The following PABPC4 variants were observed in gnomAD, a reference collection of about 807,000 sequenced individuals.
PABPC4 encodes polyadenylate-binding protein 4.
Under a neutral mutation model 74.5 loss-of-function variants are expected in PABPC4, and 15 were observed. That is an observed-to-expected ratio of 0.20 (90% CI 0.13 to 0.31). The LOEUF is 0.31. PABPC4 is among the 10% of genes least tolerant of loss of function. PABPC4 has a pLI of 1.00. For missense variants in PABPC4, 610 were observed against 853.5 expected, an observed-to-expected ratio of 0.71 and a Z score of 3.55; for synonymous variants, 345 against 303.0, an observed-to-expected ratio of 1.14 and a Z score of -1.44.
intron 7 of PABPC4, 26 bp from the exon 8 acceptor site, chr1:39,565,404 G>A (rs367697021): frequency 6.3e-7 from 1 of 1,592,534 alleles, no homozygotes; most frequent in African/African-American, 1.3e-5. Context: ...AGCTACTTAA[G>A]AAATAAGGTG....
chr1:39,565,783 G>A (rs865989142), intron 7 of PABPC4, among the ~76,000 whole-genome samples: 3 of 151,990 alleles, frequency 2.0e-5, no homozygotes, highest in East Asian at 3.8e-4. Context: ...AGCCGAGATC[G>A]CGCCACTGCA....
chr1:39,569,228 C>G (rs1042683615), intron 5 of PABPC4, among the ~76,000 whole-genome samples: 1 of 152,178 alleles, frequency 6.6e-6, no homozygotes, highest in Non-Finnish European at 1.5e-5. Context: ...TCTGCAGGTG[C>G]TTTTGTGGGT....
intron 8 of PABPC4, 93 bp downstream of exon 8, chr1:39,565,013 G>A (rs1172825652): frequency 7.4e-7 from 1 of 1,358,760 alleles, no homozygotes; most frequent in East Asian, 2.3e-5. Flanking sequence ...TGACATTCTA[G>A]AACTCTAATA....
chr1:39,571,705 T>C, intron 2 of PABPC4: 1 of 445,728 alleles, frequency 2.2e-6, no homozygotes, highest in Non-Finnish European at 4.4e-6. Context: ...AGACCCTGTC[T>C]CTACAAAAAA....
At chr1:39,572,629 G>C in intron 1 of PABPC4, 43 bp from the exon 2 acceptor site, 1 of 1,485,634 alleles carries the variant, frequency 6.7e-7, no homozygotes, top group Non-Finnish European at 9.4e-7. Context: ...GAAAACGTCA[G>C]CTCCCACAGG....
Position 39,564,679 on chromosome 1 carries a change from C to A in PABPC4, c.1333+7G>T. The A allele has an allele frequency of 1.9e-6, 3 of 1,613,678 alleles. 1 individual carries two copies. The South Asian group carries it at 3.3e-5, about 18-fold the overall frequency. ...TGGGCTGTCAATTACTGTTCCCCACCACCTACCTTGAGGTCTCCCACCTTG... is the reference window on the plus strand; with the variant it reads ...TGGGCTGTCAATTACTGTTCCCCACAACCTACCTTGAGGTCTCCCACCTTG... On this transcript the variant is annotated splice_region_variant and intron_variant, in intron 9 of 15. Transcript: ENST00000372858.
At chr1:39,568,431 G>T in intron 6 of PABPC4, 1 of 189,574 alleles carries the variant, frequency 5.3e-6, no homozygotes, top group Non-Finnish European at 1.1e-5. Context: ...GATCATCAGT[G>T]CACTCACCTT....
In PABPC4 at chr1:39,560,866, C is replaced by T. The variant is rs1039055548; in HGVS notation, c.*270G>A. On this transcript the variant is annotated 3_prime_UTR_variant, in exon 16 of 16. Coordinates refer to ENST00000372858, the MANE Select transcript of PABPC4 (RefSeq NM_001135653.2). ...TGGGAAACGTAAGACTTGGGTACATCAAATAAAACCAATTTCTGGGGGAAA... is the reference window on the plus strand; with the variant it reads ...TGGGAAACGTAAGACTTGGGTACATTAAATAAAACCAATTTCTGGGGGAAA... The T allele has an allele frequency of 9.9e-6, 2 of 201,930 alleles. No individual in the cohort carries two copies. The highest frequency in any genetic ancestry group is 8.0e-5 in the South Asian group (1 of 12,484). 12.5% of individuals were successfully genotyped at this position (201,930 alleles called of 1,614,324 possible).
intron 15 of PABPC4, 164 bp downstream of exon 15, chr1:39,561,521 C>T (rs1024077575): frequency 3.3e-6 from 2 of 610,324 alleles, no homozygotes; most frequent in Non-Finnish European, 6.0e-6. Context: ...GTCCACAGTC[C>T]TCATGATAAG....
intron 1 of PABPC4, among the ~76,000 whole-genome samples, chr1:39,574,657 C>T (rs1372396548): frequency 2.6e-5 from 4 of 152,258 alleles, no homozygotes; most frequent in African/African-American, 9.6e-5. Flanking sequence ...ATGTCCAATT[C>T]TCTGGTCTCA....
intron 11 of PABPC4, 27 bp from the exon 12 acceptor site, chr1:39,563,768 A>C (rs780095137): frequency 3.7e-6 from 6 of 1,613,644 alleles, no homozygotes; most frequent in South Asian, 1.1e-5. Flanking sequence ...ATACAATTAA[A>C]GCCCATCAGT....
chr1:39,572,640 C>T, intron 1 of PABPC4, 54 bp from the exon 2 acceptor site: 1 of 1,393,744 alleles, frequency 7.2e-7, no homozygotes, highest in East Asian at 2.3e-5. Context: ...CTCCCACAGG[C>T]CAACAGCCTA....
At position 39,575,808 on chromosome 1, in the gene PABPC4, G is replaced by A. The variant is rs1432646428; in HGVS notation, c.144C>T (p.Thr48=). The change falls in exon 1 of 16, where the codon ACC becomes ACT. Residue 48 remains threonine, a synonymous_variant. Coordinates refer to ENST00000372858, the MANE Select transcript of PABPC4 (RefSeq NM_001135653.2). Reference sequence around the variant, plus strand: ...CGTAGGCATAGCCCAGGGAGCGGCGGGTGATCATATCGCGGCAGACCCGGA... The same window carrying A: ...CGTAGGCATAGCCCAGGGAGCGGCGAGTGATCATATCGCGGCAGACCCGGA... ...LSIRVCRDMI[T]RRSLGYAYVN... 4.3e-6 allele frequency: 7 copies of A among 1,609,802 alleles called. No individual in the cohort carries two copies. Among genetic ancestry groups the A allele is most frequent in the Middle Eastern group, 3.3e-4 (2 of 6,068 alleles).
Position 39,569,925 on chromosome 1 carries a change from T to A in PABPC4, c.581A>T (p.Tyr194Phe), listed in dbSNP as rs770151742. 1.9e-6 allele frequency: 3 copies of A among 1,613,912 alleles called. No individual in the cohort carries two copies. The African/African-American group carries it at 4.0e-5, about 22-fold the overall frequency. Reference protein sequence around the residue: ...GAKAKEFTNVYIKNFGEEVDD... With the variant: ...GAKAKEFTNVFIKNFGEEVDD... ...CACCTCTTCCCCAAAGTTTTTGATA[T>A]AAACATTGGTGAATTCCTTGGCTTT... The change falls in exon 4 of 16, where the codon TAT (tyrosine) becomes TTT (phenylalanine). Residue 194 changes from tyrosine (Y) to phenylalanine (F), a missense_variant. Coordinates refer to ENST00000372858, the MANE Select transcript of PABPC4 (RefSeq NM_001135653.2).
chr1:39,562,715 T>TA (rs1645782927), intron 12 of PABPC4: 1 of 305,700 alleles, frequency 3.3e-6, no homozygotes, highest in East Asian at 5.6e-5. Flanking sequence ...GACATTTCCT[T>TA]AATACACCCA....
intron 5 of PABPC4, 122 bp downstream of exon 5, chr1:39,569,473 T>C: frequency 1.4e-6 from 1 of 724,482 alleles, no homozygotes. Context: ...CAGAGTATAG[T>C]AATGGTACAT....
intron 8 of PABPC4, 135 bp from the exon 9 acceptor site, chr1:39,564,908 G>C: frequency 1.1e-6 from 1 of 871,350 alleles, no homozygotes. Flanking sequence ...TGAGGGGTCA[G>C]CTAATGGGGA....
chr1:39,565,997 C>G (rs909109588), intron 7 of PABPC4, among the ~76,000 whole-genome samples: 1 of 152,184 alleles, frequency 6.6e-6, no homozygotes, highest in African/African-American at 2.4e-5. Flanking sequence ...GTCACTGAGT[C>G]TAGGTCAGGG....
intron 1 of PABPC4, among the ~76,000 whole-genome samples, chr1:39,573,820 AAAAC>A (rs1235002295): frequency 6.6e-6 from 1 of 152,166 alleles, no homozygotes; most frequent in Non-Finnish European, 1.5e-5. Flanking sequence ...ACAGTGTCTC[AAAAC>A]AAACAACAAC....
Sources: allele counts gnomAD v4.1 joint callset (sites outside exome capture counted in the v4.1 genomes callset), GRCh38; gene constraint gnomAD v4.1.1; transcripts MANE v1.5; gene names NCBI Gene and HGNC (gene_info 2026-07-23, HGNC 2026-07-21).